The following CACNA2D4 variants were observed in gnomAD, a reference collection of about 807,000 sequenced individuals.
CACNA2D4 encodes the protein voltage-dependent calcium channel subunit alpha-2/delta-4.
Under a neutral mutation model 163.8 loss-of-function variants are expected in CACNA2D4, and 157 were observed. That is an observed-to-expected ratio of 0.96 (90% CI 0.84 to 1.09). CACNA2D4 has a LOEUF of 1.09. CACNA2D4 is among the 50% of genes least tolerant of loss of function. The pLI is 0.00. For missense variants in CACNA2D4, 1,410 were observed against 1,479.9 expected, an observed-to-expected ratio of 0.95 and a Z score of 0.78; for synonymous variants, 598 against 586.9, an observed-to-expected ratio of 1.02 and a Z score of -0.27.
intron 6 of CACNA2D4, among the ~76,000 whole-genome samples, chr12:1,900,000 C>A (rs1225417925): frequency 2.0e-5 from 3 of 151,918 alleles, no homozygotes; most frequent in African/African-American, 7.3e-5. Flanking sequence ...AGGCAGAAGA[C>A]AATATGCATT....
chr12:1,911,727 G>A (rs1393598160), intron 3 of CACNA2D4, among the ~76,000 whole-genome samples: 1 of 152,202 alleles, frequency 6.6e-6, no homozygotes, highest in Admixed American at 6.5e-5. Context: ...TGGAGCCCCA[G>A]CCTCTGGGGG....
At chr12:1,817,957 G>A (rs1436622072) in intron 26 of CACNA2D4, among the ~76,000 whole-genome samples, 1 of 151,430 alleles carries the variant, frequency 6.6e-6, no homozygotes, top group East Asian at 1.9e-4. Context: ...CGTCTGGGAT[G>A]TGAGGAGCCT....
At chr12:1,894,898 A>G (rs991174527) in intron 6 of CACNA2D4, among the ~76,000 whole-genome samples, 1 of 152,200 alleles carries the variant, frequency 6.6e-6, no homozygotes, top group African/African-American at 2.4e-5. Context: ...GCAATCAGGC[A>G]ATAGAAAGAA....
intron 6 of CACNA2D4, among the ~76,000 whole-genome samples, chr12:1,905,954 A>C (rs1866650596): frequency 6.6e-6 from 1 of 152,204 alleles, no homozygotes; most frequent in Non-Finnish European, 1.5e-5. Flanking sequence ...AGTAATCAAA[A>C]CAGCATGGTA....
chr12:1,819,409 T>C (rs933097336), intron 26 of CACNA2D4, among the ~76,000 whole-genome samples: 1 of 152,118 alleles, frequency 6.6e-6, no homozygotes, highest in African/African-American at 2.4e-5. Context: ...AGGAGCATCC[T>C]TCTAGGGGCA....
rs1863212471 is a variant in CACNA2D4, at chr12:1,798,762, C to T, written c.2995+913G>A. ...GAGCAGGCAGATTGAGGGGGATCAT[C>T]TTCAACTTTTGCAAGATGCAGCTGC... On this transcript the variant is annotated intron_variant, in intron 34 of 37. Coordinates refer to ENST00000382722, the MANE Select transcript of CACNA2D4 (RefSeq NM_172364.5). This position sits in a 1 kb window ranked among gnomAD's most constrained non-coding sequence, Gnocchi z 4.3. 6.6e-6 allele frequency among the ~76,000 whole-genome samples: 1 copy of T among 152,176 alleles called. No homozygotes were observed. The highest frequency in any genetic ancestry group is 2.4e-5 in the African/African-American group (1 of 41,434).
intron 1 of CACNA2D4, 28 bp from the exon 2 acceptor site, chr12:1,914,963 T>A: frequency 2.1e-6 from 3 of 1,458,100 alleles, no homozygotes; most frequent in Non-Finnish European, 2.9e-6. Context: ...GACACGCGTA[T>A]ACACACACGT....
At chr12:1,845,997 AT>A (rs1457046439) in intron 24 of CACNA2D4, among the ~76,000 whole-genome samples, 2 of 152,172 alleles carry the variant, frequency 1.3e-5, no homozygotes, top group Admixed American at 1.3e-4. Context: ...TAAGTCTTCC[AT>A]GGCCTACAGG....
intron 26 of CACNA2D4, among the ~76,000 whole-genome samples, chr12:1,830,039 G>A (rs551448108): frequency 4.6e-5 from 7 of 152,318 alleles, no homozygotes; most frequent in African/African-American, 7.2e-5. Context: ...TGCTCGCTAC[G>A]CAGAAGGGTC....
At chr12:1,851,178 C>A (rs1282128868) in intron 23 of CACNA2D4, among the ~76,000 whole-genome samples, 1 of 152,196 alleles carries the variant, frequency 6.6e-6, no homozygotes, top group African/African-American at 2.4e-5. Context: ...CCACTACACC[C>A]GACCACAGAA....
rs1865837577 is a variant in CACNA2D4, at chr12:1,874,145, G to A, written c.1878+459C>T. Among the ~76,000 whole-genome samples, 1 of 152,118 alleles carries A rather than the reference G, an allele frequency of 6.6e-6. No homozygotes were observed. The highest frequency in any genetic ancestry group is 2.4e-5 in the African/African-American group (1 of 41,408). On this transcript the variant is annotated intron_variant, in intron 18 of 37. Coordinates refer to ENST00000382722, the MANE Select transcript of CACNA2D4 (RefSeq NM_172364.5). This position sits in a 1 kb window ranked among gnomAD's most constrained non-coding sequence, Gnocchi z 4.4. ...TAAAGATAGTAATGGGATTAGTGAG[G>A]GCATTGATTCCTAACTATCTGGGAA... is the stretch of plus-strand genomic sequence containing the variant.
rs888627354 is a variant in CACNA2D4 at position 1,798,462 on chromosome 12, C to G, written c.2996-927G>C. 6.6e-6 allele frequency among the ~76,000 whole-genome samples: 1 copy of G among 152,150 alleles called. No individual in the cohort carries two copies. Among genetic ancestry groups the G allele is most frequent in the Non-Finnish European group, 1.5e-5 (1 of 68,020 alleles). ...GCCAGAGCTGGAAACCCAGAGGGGA[C>G]ACTAGCTGGCGTGCAGAAAACTCTC... On this transcript the variant is annotated intron_variant, in intron 34 of 37. Transcript: ENST00000382722. The surrounding 1 kb of genome is among the most constrained non-coding windows in gnomAD (Gnocchi z 4.3).
intron 26 of CACNA2D4, among the ~76,000 whole-genome samples, chr12:1,839,581 T>G (rs1232801760): frequency 6.6e-6 from 1 of 152,150 alleles, no homozygotes; most frequent in Non-Finnish European, 1.5e-5. Context: ...GCAAGTAAGT[T>G]TTCTGTGTCT....
intron 26 of CACNA2D4, among the ~76,000 whole-genome samples, chr12:1,826,396 C>T (rs1432701242): frequency 8.1e-6 from 1 of 123,688 alleles, no homozygotes; most frequent in Non-Finnish European, 1.6e-5. Context: ...GATTTGAACC[C>T]AGAGCCCCCC....
At chr12:1,853,403 C>T (rs1178808324) in intron 23 of CACNA2D4, among the ~76,000 whole-genome samples, 1 of 152,134 alleles carries the variant, frequency 6.6e-6, no homozygotes, top group African/African-American at 2.4e-5. Context: ...AATTTATTGA[C>T]TGTGTAGAGG....
intron 35 of CACNA2D4, 82 bp from the exon 36 acceptor site, chr12:1,795,862 A>C: frequency 2.2e-6 from 2 of 919,228 alleles, no homozygotes; most frequent in Admixed American, 1.7e-5. Flanking sequence ...TGGAGACTTT[A>C]GTGTGGAGTT....
intron 6 of CACNA2D4, among the ~76,000 whole-genome samples, chr12:1,895,211 C>T (rs1472698091): frequency 6.6e-6 from 1 of 151,858 alleles, no homozygotes; most frequent in Non-Finnish European, 1.5e-5. Flanking sequence ...AGCTACAAAA[C>T]TGATGAAAAA....
Position 1,918,589 on chromosome 12 carries a change from C to T in CACNA2D4, c.-116G>A. On this transcript the variant is annotated 5_prime_UTR_variant, in exon 1 of 38. Coordinates refer to ENST00000382722, the MANE Select transcript of CACNA2D4 (RefSeq NM_172364.5). ...CCTGGGTGGGGAGGGCTTCTCTCTGCCCCACAGCTGCAGCTCACAGAAGAG... is the reference window on the plus strand; with the variant it reads ...CCTGGGTGGGGAGGGCTTCTCTCTGTCCCACAGCTGCAGCTCACAGAAGAG... 1 of 743,040 alleles carries T rather than the reference C, an allele frequency of 1.3e-6. No individual in the cohort carries two copies. 46.0% of individuals were successfully genotyped at this position (743,040 alleles called of 1,614,324 possible).
Position 1,885,056 on chromosome 12 carries a change from C to T in CACNA2D4, c.1089G>A (p.Glu363=), listed in dbSNP as rs1408669489. The T allele has an allele frequency of 1.2e-6, 2 of 1,613,982 alleles. No individual in the cohort carries two copies. The highest frequency in any genetic ancestry group is 1.3e-5 in the African/African-American group (1 of 75,042). The part of the protein sequence containing the change: ...DNREHFKLLV[E]ELMVKGVGVV... ...CCCCCACACCTTTGACCATCAACTC[C>T]TCCACCAGCAGTTTGAAATGCTGCC... Residue 363 remains glutamate, a synonymous_variant, in exon 10 of 38, where the codon GAG becomes GAA. Transcript: ENST00000382722.
Sources: allele counts gnomAD v4.1 joint callset (sites outside exome capture counted in the v4.1 genomes callset), GRCh38; gene constraint gnomAD v4.1.1; non-coding constraint Gnocchi (gnomAD v3.1); transcripts MANE v1.5; gene names NCBI Gene and HGNC (gene_info 2026-07-23, HGNC 2026-07-21).